RIPOR2: variants seen among roughly 807,000 people sequenced by gnomAD.
The protein encoded by RIPOR2 is rho family-interacting cell polarization regulator 2.
RIPOR2 carries 39 observed loss-of-function variants against 114.5 expected under a neutral mutation model. That is an observed-to-expected ratio of 0.34 (90% CI 0.26 to 0.44). The LOEUF (loss-of-function observed/expected upper bound fraction) is 0.44. RIPOR2 is among the 20% of genes least tolerant of loss of function. The probability of loss-of-function intolerance (pLI) is 1.00; values close to 1 mark genes in which losing one functional copy is unlikely to be tolerated. For missense variants in RIPOR2, 1,007 were observed against 1,255.1 expected (o/e 0.80, Z 2.99); for synonymous variants, 445 against 484.4 (o/e 0.92, Z 1.07).
intron 1 of RIPOR2, among the ~76,000 whole-genome samples, chr6:24,988,925 C>A (rs13192546): frequency 0.22 from 33,322 of 152,166 alleles, 4,562 homozygotes; most frequent in East Asian, 0.53. Flanking sequence ...TTACTATCTG[C>A]CCTTTTACAG....
rs1030515778 is a variant in RIPOR2 at position 24,843,053 on chromosome 6, G to C, written c.1666C>G (p.Pro556Ala). The part of the protein sequence containing the change: ...LVKRLTSAEV[P>A]MATDRLLSEG... ...GAGAGCAGCCTGTCTGTGGCCATTGGCACCTCTGCAGATGTGAGCCTCTTG... is the reference window on the plus strand; with the variant it reads ...GAGAGCAGCCTGTCTGTGGCCATTGCCACCTCTGCAGATGTGAGCCTCTTG... Residue 556 changes from proline (P) to alanine (A), a missense_variant, in exon 13 of 22, where the codon CCA becomes GCA. Pro to Ala is a conservative substitution (Grantham distance 27, BLOSUM62 -1). Transcript: ENST00000643898. 1.9e-6 allele frequency: 3 copies of C among 1,613,038 alleles called. No homozygotes were observed. Among genetic ancestry groups the C allele is most frequent in the Non-Finnish European group, 1.7e-6 (2 of 1,179,286 alleles).
chr6:24,995,752 A>G (rs1415334978), intron 1 of RIPOR2, among the ~76,000 whole-genome samples: 3 of 151,786 alleles, frequency 2.0e-5, no homozygotes, highest in Non-Finnish European at 4.4e-5. Context: ...AGATGTTTCT[A>G]TGAAGATCTA....
intron 1 of RIPOR2, among the ~76,000 whole-genome samples, chr6:24,988,829 A>C (rs573696916): frequency 2.0e-5 from 3 of 152,322 alleles, no homozygotes; most frequent in East Asian, 3.9e-4. Context: ...CCATTCATTT[A>C]CATATTATCT....
rs1217310542 is a variant in RIPOR2 at position 24,871,598 on chromosome 6, C to T, written c.424-709G>A. Among the ~76,000 whole-genome samples the T allele has an allele frequency of 4.6e-5, 7 of 152,284 alleles. No homozygotes were observed. In the South Asian group the frequency reaches 8.3e-4, roughly 18 times the overall value. ...AACTCCTGACCTTGGGTGATCCACC[C>T]GCCTCAGCCTCCCAAAGTGCTGGGG... On this transcript the variant is annotated intron_variant, in intron 4 of 21. Transcript: ENST00000643898.
chr6:25,030,310 A>C (rs540760862), intron 1 of RIPOR2, among the ~76,000 whole-genome samples: 13 of 152,224 alleles, frequency 8.5e-5, no homozygotes, highest in African/African-American at 3.1e-4. Context: ...GCCACTGATG[A>C]TATTCCCAGG....
Position 24,983,725 on chromosome 6 carries a change from C to T in RIPOR2, c.76+58126G>A, listed in dbSNP as rs540330690. Among the ~76,000 whole-genome samples the T allele has an allele frequency of 4.2e-5, 6 of 143,844 alleles. No homozygotes were observed. The South Asian group carries it at 1.3e-3, about 32-fold the overall frequency. The allele number at this position is 143,844 out of a possible 152,430, so 94.4% of individuals were successfully genotyped here. A position where few individuals can be genotyped will look rare whatever the true frequency, so the allele number is the denominator to read the frequency against. On this transcript the variant is annotated intron_variant, in intron 1 of 13. Coordinates refer to the RIPOR2 transcript ENST00000510784. ...TGAGTCAAGACCGTGCCACTACACTCCAGCCTGGGCAACAGAACGAGACTG... is the reference window on the plus strand; with the variant it reads ...TGAGTCAAGACCGTGCCACTACACTTCAGCCTGGGCAACAGAACGAGACTG...
chr6:25,030,856 G>A (rs1776887927), intron 1 of RIPOR2, among the ~76,000 whole-genome samples: 1 of 151,992 alleles, frequency 6.6e-6, no homozygotes, highest in African/African-American at 2.4e-5. Context: ...ATACCACCAT[G>A]CCCGGCTAAT....
chr6:25,024,579 A>C (rs1355155951), intron 1 of RIPOR2: 9 of 518,442 alleles, frequency 1.7e-5, no homozygotes, highest in Admixed American at 5.9e-5. Context: ...GGCAGGCGAC[A>C]GAACAAGAGC....
intron 9 of RIPOR2, among the ~76,000 whole-genome samples, 189 bp downstream of exon 9, chr6:24,852,386 G>A (rs759287405): frequency 4.6e-5 from 7 of 151,834 alleles, no homozygotes; most frequent in African/African-American, 9.7e-5. Context: ...TTACAAAGTG[G>A]TGAATCTAGA....
chr6:24,807,411 G>A (rs1780842283), intron 21 of RIPOR2, among the ~76,000 whole-genome samples: 2 of 152,322 alleles, frequency 1.3e-5, no homozygotes, highest in South Asian at 4.1e-4. Flanking sequence ...GGCAGAGGTT[G>A]CAATGAGACG....
chr6:24,859,627 G>A (rs542804568), intron 8 of RIPOR2, among the ~76,000 whole-genome samples: 5 of 152,262 alleles, frequency 3.3e-5, no homozygotes, highest in Admixed American at 1.3e-4. Context: ...ATTCCCTACC[G>A]GATCTGCCGG....
intron 1 of RIPOR2, among the ~76,000 whole-genome samples, chr6:24,884,394 G>A (rs962122632): frequency 6.6e-6 from 1 of 152,148 alleles, no homozygotes; most frequent in South Asian, 2.1e-4. Context: ...GGGCGACAGA[G>A]CGAGACTCCA....
intron 1 of RIPOR2, among the ~76,000 whole-genome samples, chr6:24,996,209 T>C (rs1775039583): frequency 1.3e-5 from 2 of 152,248 alleles, no homozygotes; most frequent in African/African-American, 4.8e-5. Context: ...CTTATCATTT[T>C]TCATGTGGTC....
At chr6:24,918,596 G>T (rs993212832) in intron 1 of RIPOR2, among the ~76,000 whole-genome samples, 1 of 152,150 alleles carries the variant, frequency 6.6e-6, no homozygotes, top group African/African-American at 2.4e-5. Flanking sequence ...AAGCCCTATT[G>T]CTTAAAACTT....
chr6:24,871,195 C>G (rs1189162774), intron 4 of RIPOR2, among the ~76,000 whole-genome samples: 1 of 152,148 alleles, frequency 6.6e-6, no homozygotes, highest in African/African-American at 2.4e-5. Context: ...TTTTCACTTG[C>G]TTTGAGCTCT....
Position 24,835,752 on chromosome 6 carries a change from A to C in RIPOR2, c.2159T>G (p.Leu720Arg), listed in dbSNP as rs1761057847. The change falls in exon 15 of 22, where the codon CTG becomes CGG. Residue 720 changes from leucine (L) to arginine (R), a missense_variant. Transcript: ENST00000643898. ...GAGGTGCCTGACGATGGTGATGTCCAGGCTCTCGTTGCCTGTGGTCAGTGG... is the reference window on the plus strand; with the variant it reads ...GAGGTGCCTGACGATGGTGATGTCCCGGCTCTCGTTGCCTGTGGTCAGTGG... ...PLPLTTGNES[L>R]DITIVRHLQY... The C allele has an allele frequency of 6.4e-7, 1 of 1,551,502 alleles. No individual in the cohort carries two copies. The highest frequency in any genetic ancestry group is 1.4e-5 in the African/African-American group (1 of 73,048).
At chr6:24,980,434 A>C (rs538121126) in intron 1 of RIPOR2, among the ~76,000 whole-genome samples, 3 of 152,326 alleles carry the variant, frequency 2.0e-5, no homozygotes, top group African/African-American at 7.2e-5. Flanking sequence ...TTACAGATAC[A>C]TGCATTTTTA....
chr6:24,849,257 A>C (rs1762620342), intron 11 of RIPOR2, among the ~76,000 whole-genome samples: 1 of 152,156 alleles, frequency 6.6e-6, no homozygotes, highest in Non-Finnish European at 1.5e-5. Context: ...AATTTGGAAA[A>C]CGATTTCTAA....
intron 1 of RIPOR2, among the ~76,000 whole-genome samples, chr6:25,026,944 G>A (rs1371538203): frequency 1.3e-5 from 2 of 152,170 alleles, no homozygotes; most frequent in African/African-American, 4.8e-5. Flanking sequence ...GGCTCCTCAG[G>A]TGTGAGTCTG....
Sources: allele counts gnomAD v4.1 joint callset (sites outside exome capture counted in the v4.1 genomes callset), GRCh38; gene constraint gnomAD v4.1.1; transcripts MANE v1.5; gene names NCBI Gene and HGNC (gene_info 2026-07-23, HGNC 2026-07-21).